The following EPHB2 variants were observed in gnomAD, a reference collection of about 807,000 sequenced individuals.
EPHB2 encodes the protein ephrin type-B receptor 2.
In EPHB2, 18 loss-of-function variants were observed where a neutral mutation model predicts 96.4. The ratio of observed to expected loss-of-function variants is 0.19; its 90% CI spans 0.13 to 0.28. EPHB2 has a LOEUF of 0.28. Ranked by LOEUF, EPHB2 falls within the 10% of genes least tolerant of loss-of-function variation. The probability of loss-of-function intolerance (pLI) is 1.00; values close to 1 mark genes in which losing one functional copy is unlikely to be tolerated. For missense variants in EPHB2, 989 were observed against 1,355.4 expected (o/e 0.73, Z 4.25); for synonymous variants, 506 against 534.1 (o/e 0.95, Z 0.72).
At chr1:22,742,253 A>G (rs1053759967) in intron 1 of EPHB2, among the ~76,000 whole-genome samples, 10 of 152,180 alleles carry the variant, frequency 6.6e-5, no homozygotes, top group Non-Finnish European at 1.2e-4. Context: ...TGGCTGATGT[A>G]GAAGGATGCC....
intron 1 of EPHB2, among the ~76,000 whole-genome samples, chr1:22,776,876 A>T (rs1258597600): frequency 6.6e-6 from 1 of 152,194 alleles, no homozygotes; most frequent in Non-Finnish European, 1.5e-5. Context: ...AGATGGGGAG[A>T]GGAGGCCCGT....
At chr1:22,774,966 T>A (rs1287536628) in intron 1 of EPHB2, among the ~76,000 whole-genome samples, 1 of 152,220 alleles carries the variant, frequency 6.6e-6, no homozygotes, top group Non-Finnish European at 1.5e-5. Flanking sequence ...AGAGCAGAAC[T>A]GGCATTCCTG....
At chr1:22,760,188 T>C (rs1258557484) in intron 1 of EPHB2, among the ~76,000 whole-genome samples, 6 of 151,278 alleles carry the variant, frequency 4.0e-5, no homozygotes, top group Admixed American at 1.3e-4. Context: ...CCCCACAGTT[T>C]GGTGGAGGTG....
intron 8 of EPHB2, among the ~76,000 whole-genome samples, chr1:22,896,192 A>C (rs111694921): frequency 1.1e-4 from 17 of 151,858 alleles, no homozygotes; most frequent in African/African-American, 4.1e-4. Flanking sequence ...TTACTTTTTG[A>C]AGGGGGCTTG....
intron 1 of EPHB2, among the ~76,000 whole-genome samples, chr1:22,752,049 C>T (rs2148380913): frequency 6.6e-6 from 1 of 152,330 alleles, no homozygotes; most frequent in African/African-American, 2.4e-5. Flanking sequence ...GGTCATTTCT[C>T]CACTCCCAGC....
chr1:22,879,534 G>T (rs576285718), intron 5 of EPHB2, among the ~76,000 whole-genome samples: 1 of 152,334 alleles, frequency 6.6e-6, no homozygotes, highest in African/African-American at 2.4e-5. Context: ...GTGGGAAGTA[G>T]GAACTGCTTT....
At chr1:22,721,034 G>T (rs544288667) in intron 1 of EPHB2, among the ~76,000 whole-genome samples, 2 of 152,172 alleles carry the variant, frequency 1.3e-5, no homozygotes, top group Non-Finnish European at 2.9e-5. Flanking sequence ...CTGTGCCGAG[G>T]AGTAACTGTG....
intron 1 of EPHB2, among the ~76,000 whole-genome samples, chr1:22,740,063 T>C (rs1643885054): frequency 6.6e-6 from 1 of 152,238 alleles, no homozygotes; most frequent in African/African-American, 2.4e-5. Flanking sequence ...TAAACCGGTT[T>C]TGAAGCTTCG....
At chr1:22,731,235 G>A (rs1332245575) in intron 1 of EPHB2, among the ~76,000 whole-genome samples, 1 of 152,188 alleles carries the variant, frequency 6.6e-6, no homozygotes, top group East Asian at 1.9e-4. Context: ...TTCTGGCGGG[G>A]GGAATGGAGG....
chr1:22,825,468 A>ACTCAGGATACCCAGGT (rs1645209807), intron 3 of EPHB2, among the ~76,000 whole-genome samples: 2 of 152,102 alleles, frequency 1.3e-5, no homozygotes, highest in African/African-American at 4.8e-5. Context: ...CTGGTCCAGG[A>ACTCAGGATACCCAGGT]CTCAGGATAC....
At chr1:22,765,317 C>T (rs572208853) in intron 1 of EPHB2, among the ~76,000 whole-genome samples, 2 of 152,146 alleles carry the variant, frequency 1.3e-5, no homozygotes, top group Non-Finnish European at 2.9e-5. Context: ...GGGGCTGAGA[C>T]GGAAGGATCA....
chr1:22,844,821 G>A (rs1645518246), intron 3 of EPHB2, among the ~76,000 whole-genome samples: 1 of 152,164 alleles, frequency 6.6e-6, no homozygotes, highest in East Asian at 1.9e-4. Context: ...AGTCCTTTGG[G>A]GTCCTTGGTC....
At chr1:22,727,399 C>G (rs905810055) in intron 1 of EPHB2, among the ~76,000 whole-genome samples, 2 of 152,246 alleles carry the variant, frequency 1.3e-5, no homozygotes, top group African/African-American at 2.4e-5. Flanking sequence ...ACTGAAGCCC[C>G]ACAGCTCCCA....
At chr1:22,811,012 T>A (rs1644995043) in intron 3 of EPHB2, among the ~76,000 whole-genome samples, 1 of 151,770 alleles carries the variant, frequency 6.6e-6, no homozygotes, top group African/African-American at 2.4e-5. Flanking sequence ...AACTAGGGAG[T>A]CAGAAGAAAG....
chr1:22,720,248 C>T (rs2148336973), intron 1 of EPHB2, among the ~76,000 whole-genome samples: 1 of 152,302 alleles, frequency 6.6e-6, no homozygotes, highest in South Asian at 2.1e-4. Flanking sequence ...AGTCACAACA[C>T]CAGCTCAGAT....
In EPHB2 at chr1:22,909,140, A is replaced by G. The variant is rs765817197; in HGVS notation, c.2471A>G (p.Glu824Gly). Residue 824 changes from glutamate (E) to glycine (G), a missense_variant, in exon 13 of 16, where the codon GAG (glutamate) becomes GGG (glycine). Physicochemically the swap from Glu to Gly is moderately conservative, Grantham distance 98. Coordinates refer to ENST00000374630, the MANE Select transcript of EPHB2 (RefSeq NM_017449.5). The stretch of plus-strand genomic sequence containing the variant: ...ATGTGGGAGGTGATGTCCTATGGGG[A>G]GCGGCCCTACTGGGACATGACCAAC... ...IVMWEVMSYGERPYWDMTNQD... is the reference protein window; with the variant it reads ...IVMWEVMSYGGRPYWDMTNQD... The G allele has an allele frequency of 1.2e-6, 2 of 1,614,026 alleles. No individual in the cohort carries two copies. Among genetic ancestry groups the G allele is most frequent in the African/African-American group, 2.7e-5 (2 of 74,902 alleles).
intron 1 of EPHB2, among the ~76,000 whole-genome samples, chr1:22,755,247 G>A (rs940471104): frequency 1.3e-5 from 2 of 152,172 alleles, no homozygotes; most frequent in African/African-American, 4.8e-5. Flanking sequence ...GAGGTCCGGA[G>A]CCAGGAAGGG....
chr1:22,896,028 G>A (rs1471917071), intron 8 of EPHB2, among the ~76,000 whole-genome samples: 1 of 152,216 alleles, frequency 6.6e-6, no homozygotes, highest in Non-Finnish European at 1.5e-5. Context: ...CAAGAGGGTG[G>A]GGCCAGTTCC....
At chr1:22,894,326 G>A (rs188472857) in intron 7 of EPHB2, among the ~76,000 whole-genome samples, 3 of 152,252 alleles carry the variant, frequency 2.0e-5, no homozygotes, top group East Asian at 3.9e-4. Context: ...AGCTAGGCGC[G>A]GTGGCTCACA....
Sources: allele counts gnomAD v4.1 joint callset (sites outside exome capture counted in the v4.1 genomes callset), GRCh38; gene constraint gnomAD v4.1.1; transcripts MANE v1.5; gene names NCBI Gene and HGNC (gene_info 2026-07-23, HGNC 2026-07-21).